Variants in ZNF69 observed in about 807,000 individuals in gnomAD.
ZNF69 encodes ZNF3.
In ZNF69, 47 loss-of-function variants were observed where a neutral mutation model predicts 50.9. The ratio of observed to expected loss-of-function variants is 0.92; its 90% CI spans 0.73 to 1.18. The LOEUF is 1.18. Ranked by LOEUF, ZNF69 falls within the 50% of genes most tolerant of loss-of-function variation. The pLI is 0.00. For missense variants in ZNF69, 717 were observed against 675.1 expected (o/e 1.06, Z -0.69); for synonymous variants, 216 against 223.1 (o/e 0.97, Z 0.29).
the ZNF69 span, among the ~76,000 whole-genome samples, chr19:11,935,958 T>G: frequency 6.6e-6 from 1 of 152,266 alleles, no homozygotes; most frequent in South Asian, 2.1e-4. Context: ...ATATGCAGTG[T>G]TTGGTTTTCT....
At chr19:11,955,208 T>A in the ZNF69 span, among the ~76,000 whole-genome samples, 1 of 151,746 alleles carries the variant, frequency 6.6e-6, no homozygotes, top group Admixed American at 6.6e-5. Context: ...TTTCACCATA[T>A]TGGGTAAGCT....
the ZNF69 span, among the ~76,000 whole-genome samples, chr19:11,974,359 A>G: frequency 0.019 from 2,845 of 150,362 alleles, 35 homozygotes; most frequent in African/African-American, 0.026. Flanking sequence ...TCCACTCCTG[A>G]TAAATTTTTG....
the ZNF69 span, among the ~76,000 whole-genome samples, chr19:11,939,401 T>A: frequency 0.02 from 2,979 of 152,320 alleles, 73 homozygotes; most frequent in African/African-American, 0.059. Flanking sequence ...TTAATTTTTG[T>A]ATAAGGCGTA....
chr19:11,970,423 C>G, the ZNF69 span, among the ~76,000 whole-genome samples: 1 of 152,114 alleles, frequency 6.6e-6, no homozygotes, highest in Non-Finnish European at 1.5e-5. Flanking sequence ...TCTGTTATAA[C>G]AACGTTAAAT....
chr19:11,954,727 A>G, the ZNF69 span, among the ~76,000 whole-genome samples: 1 of 151,952 alleles, frequency 6.6e-6, no homozygotes, highest in Non-Finnish European at 1.5e-5. Context: ...AGGCTGAGGC[A>G]GAAGGAGAAC....
At chr19:11,968,253 T>A in the ZNF69 span, among the ~76,000 whole-genome samples, 1 of 146,622 alleles carries the variant, frequency 6.8e-6, no homozygotes, top group African/African-American at 2.7e-5. Flanking sequence ...GTACAATAAT[T>A]TAATTTTTTT....
At chr19:11,943,463 G>A in the ZNF69 span, among the ~76,000 whole-genome samples, 5 of 152,102 alleles carry the variant, frequency 3.3e-5, no homozygotes, top group East Asian at 1.9e-4. Context: ...CATATGATCC[G>A]GTTGAGCATG....
chr19:11,948,352 G>A, the ZNF69 span: 1 of 1,613,984 alleles, frequency 6.2e-7, no homozygotes, highest in South Asian at 1.1e-5. Flanking sequence ...GGTTCCAGAT[G>A]ACAGACTGAA....
At chr19:11,937,378 A>G in the ZNF69 span, among the ~76,000 whole-genome samples, 2 of 151,876 alleles carry the variant, frequency 1.3e-5, no homozygotes, top group Admixed American at 6.6e-5. Context: ...GGGTCTCCCT[A>G]TGTTGCCCAG....
At chr19:11,894,776 G>C (rs147535625) in intron 1 of ZNF69, among the ~76,000 whole-genome samples, 1 of 152,114 alleles carries the variant, frequency 6.6e-6, no homozygotes, top group Non-Finnish European at 1.5e-5. Context: ...CCCAGTTTTC[G>C]TAAGTTGGAG....
the ZNF69 span, among the ~76,000 whole-genome samples, chr19:11,936,456 T>C: frequency 3.3e-5 from 5 of 152,268 alleles, no homozygotes; most frequent in East Asian, 3.8e-4. Context: ...GAGCATTTTT[T>C]CATGTGTCTG....
chr19:11,905,830 A>G lies in ZNF69; in HGVS notation c.1433A>G (p.Tyr478Cys). 1.2e-6 allele frequency: 2 copies of G among 1,614,094 alleles called. No individual in the cohort carries two copies. The highest frequency in any genetic ancestry group is 1.1e-5 in the South Asian group (1 of 91,080). ...AGAATACACTCTGGAGAAAGACCTT[A>G]TAAATGTAAGCTATGTGGGAAAGGC... ...HVRIHSGERP[Y>C]KCKLCGKGFY... The change falls in exon 4 of 4, where the codon TAT (tyrosine) becomes TGT (cysteine). Residue 478 changes from tyrosine (Y) to cysteine (C), a missense_variant. Tyr to Cys is a radical substitution (Grantham distance 194, BLOSUM62 -2). Transcript: ENST00000429654.
chr19:11,979,348 G>A, the ZNF69 span: 2 of 1,611,330 alleles, frequency 1.2e-6, no homozygotes, highest in South Asian at 1.1e-5. Context: ...TCACTGGAGA[G>A]AAACCCTATG....
In ZNF69 at chr19:11,887,863, T is replaced by C. The variant is rs749202963; in HGVS notation, c.-61T>C. ...CGGGCTGCGGCTGGGATCCGGTCTT[T>C]CCAGCCCCGAGAGGGACCTGGTTCC... On this transcript the variant is annotated 5_prime_UTR_variant, in exon 1 of 4. Coordinates refer to ENST00000429654, the MANE Select transcript of ZNF69 (RefSeq NM_001364730.1). 1.0e-3 allele frequency: 1,583 copies of C among 1,524,254 alleles called. 2 individuals are homozygous for C. Among genetic ancestry groups the C allele is most frequent in the Non-Finnish European group, 1.3e-3 (1,405 of 1,106,022 alleles). 94.4% of individuals were successfully genotyped at this position (1,524,254 alleles called of 1,614,324 possible). A position where few individuals can be genotyped will look rare whatever the true frequency, so the allele number is the denominator to read the frequency against.
the ZNF69 span, chr19:11,977,086 T>A: frequency 6.2e-7 from 1 of 1,613,782 alleles, no homozygotes; most frequent in Non-Finnish European, 8.5e-7. Flanking sequence ...CCAGGAGGAG[T>A]GGGCTTTGCT....
downstream of ZNF69, among the ~76,000 whole-genome samples, chr19:11,908,861 C>A (rs186709418): frequency 0.018 from 2,721 of 152,006 alleles, 87 homozygotes; most frequent in African/African-American, 0.061. Flanking sequence ...AAAAACCCTT[C>A]AAAAAATCAG....
the ZNF69 span, among the ~76,000 whole-genome samples, chr19:11,922,745 G>A: frequency 6.6e-6 from 1 of 152,120 alleles, no homozygotes; most frequent in African/African-American, 2.4e-5. Context: ...AATACCACCT[G>A]CTGTGTTTTA....
chr19:11,927,600 A>G, the ZNF69 span, among the ~76,000 whole-genome samples: 4 of 152,276 alleles, frequency 2.6e-5, no homozygotes, highest in East Asian at 3.9e-4. Flanking sequence ...ACCTGTGCCT[A>G]TGTGCATGTG....
At chr19:11,900,267 C>G (rs1035352780) in intron 1 of ZNF69, among the ~76,000 whole-genome samples, 1 of 151,470 alleles carries the variant, frequency 6.6e-6, no homozygotes, top group African/African-American at 2.4e-5. Context: ...TTCATTTGCT[C>G]TTTAATAACA....
Sources: gnomAD v4.1 joint callset for allele counts (sites outside exome capture counted in the v4.1 genomes callset) on GRCh38, gnomAD v4.1.1 for gene constraint, MANE v1.5 for transcripts, NCBI Gene and HGNC (gene_info 2026-07-23, HGNC 2026-07-21) for gene names.